Variants in STAU2 observed in about 807,000 individuals in gnomAD.
STAU2 encodes double-stranded RNA-binding protein Staufen homolog 2.
Under a neutral mutation model 65.9 loss-of-function variants are expected in STAU2, and 20 were observed. That is an observed-to-expected ratio of 0.30 (90% CI 0.21 to 0.44). The LOEUF (loss-of-function observed/expected upper bound fraction) is 0.44. STAU2 is among the 20% of genes least tolerant of loss of function. STAU2 has a pLI of 1.00. For missense variants in STAU2, 558 were observed against 683.9 expected, an observed-to-expected ratio of 0.82 and a Z score of 2.05; for synonymous variants, 232 against 233.9, an observed-to-expected ratio of 0.99 and a Z score of 0.07.
chr8:73,550,065 T>C (rs1807219285), intron 13 of STAU2: 2 of 985,438 alleles, frequency 2.0e-6, no homozygotes, highest in South Asian at 9.4e-5. Flanking sequence ...CCGGAGATTC[T>C]GCTCACTGCT....
intron 13 of STAU2, chr8:73,440,105 C>T (rs1202071685): frequency 6.6e-6 from 1 of 152,284 alleles, no homozygotes; most frequent in Non-Finnish European, 1.5e-5. Flanking sequence ...GAAACCGCTG[C>T]CATCTTGCTT....
At chr8:73,577,892 C>T (rs1192423752) in intron 12 of STAU2, among the ~76,000 whole-genome samples, 1 of 152,000 alleles carries the variant, frequency 6.6e-6, no homozygotes, top group African/African-American at 2.4e-5. Context: ...GGGGTGTTTG[C>T]CTTTTTTTAA....
intron 6 of STAU2, among the ~76,000 whole-genome samples, chr8:73,645,300 A>G (rs960922839): frequency 1.3e-5 from 2 of 152,234 alleles, no homozygotes; most frequent in Non-Finnish European, 2.9e-5. Flanking sequence ...TTAAAATTCA[A>G]TCAATGTAAT....
Position 73,464,583 on chromosome 8 carries a change from C to T in STAU2, c.1531-41881G>A, listed in dbSNP as rs192640912. ...AAATACGCACACACAGAAATGCACA[C>T]GTGCATGTGTGCACGCGCACACACA... On this transcript the variant is annotated intron_variant, in intron 13 of 14. Transcript: ENST00000524300. Among the ~76,000 whole-genome samples, 20 of 146,282 alleles carry T rather than the reference C, an allele frequency of 1.4e-4. No individual in the cohort carries two copies. The East Asian group carries it at 3.1e-3, about 23-fold the overall frequency.
At chr8:73,672,354 G>A (rs1817742389) in intron 6 of STAU2, 1 of 135,410 alleles carries the variant, frequency 7.4e-6, no homozygotes, top group Non-Finnish European at 1.6e-5. Flanking sequence ...ATGTGTCAAA[G>A]ACAAAGAGGT....
chr8:73,560,231 C>T (rs1488911518), intron 12 of STAU2, among the ~76,000 whole-genome samples: 1 of 152,054 alleles, frequency 6.6e-6, no homozygotes, highest in South Asian at 2.1e-4. Context: ...CAGGCTCCCA[C>T]CACCATGCCT....
chr8:73,561,883 C>T (rs1371872554), intron 12 of STAU2, among the ~76,000 whole-genome samples: 1 of 152,172 alleles, frequency 6.6e-6, no homozygotes, highest in Non-Finnish European at 1.5e-5. Context: ...TCCCATTTTA[C>T]ACTTGAAGGC....
intron 13 of STAU2, among the ~76,000 whole-genome samples, chr8:73,476,908 T>C (rs1167086466): frequency 1.3e-5 from 2 of 152,152 alleles, no homozygotes; most frequent in African/African-American, 2.4e-5. Context: ...GTCAGCATAG[T>C]GAGAATATTG....
At chr8:73,557,024 A>G (rs776719110) in intron 12 of STAU2, among the ~76,000 whole-genome samples, 2 of 72,928 alleles carry the variant, frequency 2.7e-5, no homozygotes, top group Non-Finnish European at 6.6e-5. Context: ...TATATATTTT[A>G]GTTTAAAGAA....
In STAU2 at chr8:73,595,117, C is replaced by T. The variant is rs754168736; in HGVS notation, c.1161+49G>A. On this transcript the variant is annotated intron_variant, in intron 11 of 14. Coordinates refer to ENST00000524300, the MANE Select transcript of STAU2 (RefSeq NM_001164380.2). ...AGTTAAGATCAAAATTTATTAATCA[C>T]TTTGATATTATGACAGATAGGATAC... The T allele has an allele frequency of 4.2e-6, 6 of 1,436,686 alleles. No individual in the cohort carries two copies. The South Asian group carries it at 6.2e-5, about 15-fold the overall frequency. The allele number at this position is 1,436,686 out of a possible 1,614,324, so 89.0% of individuals were successfully genotyped here. A position where few individuals can be genotyped will look rare whatever the true frequency, so the allele number is the denominator to read the frequency against.
In STAU2 at chr8:73,617,474, T is replaced by C. The variant is rs749544833; in HGVS notation, c.411-23A>G. ...TACCTAAAATAAGAAAATAAAAACA[T>C]TAAAGTTAGCTTAATAAAACCACTC... On this transcript the variant is annotated intron_variant, in intron 6 of 14. Coordinates refer to ENST00000524300, the MANE Select transcript of STAU2 (RefSeq NM_001164380.2). 3.1e-6 allele frequency: 5 copies of C among 1,605,896 alleles called. No homozygotes were observed. The South Asian group carries it at 3.3e-5, about 11-fold the overall frequency.
At chr8:73,531,322 AG>A (rs1284683422) in intron 13 of STAU2, among the ~76,000 whole-genome samples, 1 of 152,202 alleles carries the variant, frequency 6.6e-6, no homozygotes, top group Admixed American at 6.5e-5. Flanking sequence ...GATATCACAA[AG>A]GAACATGAAT....
Position 73,427,158 on chromosome 8 carries a change from C to A in STAU2, c.1531-4456G>T, listed in dbSNP as rs192614738. Among the ~76,000 whole-genome samples the A allele has an allele frequency of 2.5e-3, 375 of 152,088 alleles. 1 individual carries two copies. Among genetic ancestry groups the A allele is most frequent in the African/African-American group, 8.6e-3 (357 of 41,506 alleles). The stretch of plus-strand genomic sequence containing the variant: ...GGTCAGGCTGGTCTCGAACTCCCGA[C>A]CTCAGGTGACCCGCCTGCCTCAGCC... On this transcript the variant is annotated intron_variant, in intron 13 of 14. Transcript: ENST00000524300.
At chr8:73,467,987 A>T (rs1313625494) in intron 13 of STAU2, among the ~76,000 whole-genome samples, 1 of 152,220 alleles carries the variant, frequency 6.6e-6, no homozygotes, top group Non-Finnish European at 1.5e-5. Context: ...AAAAGAGCCC[A>T]CATTGCCAAG....
chr8:73,698,930 A>AT (rs1819879417), intron 4 of STAU2, among the ~76,000 whole-genome samples: 1 of 146,058 alleles, frequency 6.8e-6, no homozygotes, highest in African/African-American at 2.6e-5. Context: ...CATTAAAAAA[A>AT]AAAAAAGAGA....
At chr8:73,627,232 C>A (rs1191539654) in intron 6 of STAU2, among the ~76,000 whole-genome samples, 2 of 3,870 alleles carry the variant, frequency 5.2e-4, no homozygotes, top group Non-Finnish European at 1.7e-3. Flanking sequence ...GAGGGGGGGG[C>A]AGGAGGGCGG....
rs79517559 is a variant in STAU2, at chr8:73,745,161, C to A, written c.-197+1622G>T. On this transcript the variant is annotated intron_variant, in intron 1 of 14. Coordinates refer to ENST00000524300, the MANE Select transcript of STAU2 (RefSeq NM_001164380.2). Reference sequence around the variant, plus strand: ...CCATAGCAGGAAAACACAAACACACCAGATAGTTTGGCATAACTGCTTCGC... The same window carrying A: ...CCATAGCAGGAAAACACAAACACACAAGATAGTTTGGCATAACTGCTTCGC... 4.0e-3 allele frequency among the ~76,000 whole-genome samples: 615 copies of A among 152,296 alleles called. 2 individuals carry two copies. The highest frequency in any genetic ancestry group is 7.1e-3 in the Non-Finnish European group (481 of 68,024).
At chr8:73,735,281 C>T (rs1299866601) in intron 3 of STAU2, among the ~76,000 whole-genome samples, 2 of 152,014 alleles carry the variant, frequency 1.3e-5, no homozygotes, top group Non-Finnish European at 2.9e-5. Context: ...AAGTGGTTGC[C>T]CAGAAAGTAA....
chr8:73,718,663 G>T (rs1419473231), intron 3 of STAU2, among the ~76,000 whole-genome samples: 1 of 152,210 alleles, frequency 6.6e-6, no homozygotes, highest in African/African-American at 2.4e-5. Flanking sequence ...CCTAGGTAAA[G>T]AATCCATGAA....
Sources: allele counts gnomAD v4.1 joint callset (sites outside exome capture counted in the v4.1 genomes callset), GRCh38; gene constraint gnomAD v4.1.1; transcripts MANE v1.5; gene names NCBI Gene and HGNC (gene_info 2026-07-23, HGNC 2026-07-21).